GPC5: variants seen among roughly 807,000 people sequenced by gnomAD.
GPC5 encodes glypican 5, also known as glypican-5.
A neutral mutation model predicts 53.9 loss-of-function variants in GPC5; 47 were observed. The ratio of observed to expected loss-of-function variants is 0.87; its 90% CI spans 0.69 to 1.11. The LOEUF (loss-of-function observed/expected upper bound fraction) is 1.11, where lower values mean the gene tolerates loss of function less well. Among genes scored for constraint, GPC5 ranks in the 50% most tolerant of loss-of-function variants. GPC5 has a pLI of 0.00. For missense variants in GPC5, 748 were observed against 713.1 expected (o/e 1.05, Z -0.56); for synonymous variants, 286 against 263.3 (o/e 1.09, Z -0.84).
At chr13:91,907,857 C>A (rs2039571025) in intron 5 of GPC5, 80 bp from the exon 6 acceptor site, 1 of 1,455,856 alleles carries the variant, frequency 6.9e-7, no homozygotes, top group Non-Finnish European at 9.4e-7. Flanking sequence ...GAAATTCCGA[C>A]CTCAAATATG....
chr13:92,064,219 T>C (rs2041146679), intron 6 of GPC5, among the ~76,000 whole-genome samples: 1 of 152,220 alleles, frequency 6.6e-6, no homozygotes, highest in Non-Finnish European at 1.5e-5. Context: ...ACTTGTAATA[T>C]ATTAGGCTAT....
chr13:91,628,447 A>C (rs971401321), intron 2 of GPC5, among the ~76,000 whole-genome samples: 10 of 151,894 alleles, frequency 6.6e-5, no homozygotes, highest in Non-Finnish European at 1.3e-4. Context: ...TCATGTAGCT[A>C]TGTTTAACCG....
chr13:92,608,063 A>T (rs1884312520), intron 7 of GPC5, among the ~76,000 whole-genome samples: 1 of 152,242 alleles, frequency 6.6e-6, no homozygotes, highest in South Asian at 2.1e-4. Context: ...TTGTAAGAAC[A>T]CTGTAGATAC....
At chr13:91,516,730 T>C (rs956543458) in intron 2 of GPC5, among the ~76,000 whole-genome samples, 2 of 152,222 alleles carry the variant, frequency 1.3e-5, no homozygotes, top group East Asian at 3.9e-4. Context: ...CCCTTGCAGA[T>C]GTTCTTCATG....
chr13:92,111,436 G>C (rs2041555690), intron 6 of GPC5, among the ~76,000 whole-genome samples: 1 of 152,096 alleles, frequency 6.6e-6, no homozygotes. Context: ...ATGTGATCCA[G>C]GCACATTGCT....
At chr13:92,058,202 AT>A (rs1198776965) in intron 6 of GPC5, among the ~76,000 whole-genome samples, 1 of 152,050 alleles carries the variant, frequency 6.6e-6, no homozygotes, top group Non-Finnish European at 1.5e-5. Flanking sequence ...TTTAATTTTT[AT>A]TTTTTTGTAG....
chr13:91,487,640 T>A (rs1035229043), intron 2 of GPC5, among the ~76,000 whole-genome samples: 6 of 152,218 alleles, frequency 3.9e-5, no homozygotes, highest in African/African-American at 1.4e-4. Flanking sequence ...GCATCTTTAT[T>A]TAGCATTGAG....
chr13:92,827,886 A>G (rs1026178935), intron 7 of GPC5, among the ~76,000 whole-genome samples: 1 of 152,116 alleles, frequency 6.6e-6, no homozygotes, highest in African/African-American at 2.4e-5. Context: ...AGAGAGAAAA[A>G]GAGAAGAGTC....
intron 1 of GPC5, among the ~76,000 whole-genome samples, chr13:91,433,497 A>G (rs1879660487): frequency 6.6e-6 from 1 of 152,030 alleles, no homozygotes; most frequent in African/African-American, 2.4e-5. Flanking sequence ...GATGGTTTCC[A>G]GCTTCATCCA....
intron 2 of GPC5, among the ~76,000 whole-genome samples, chr13:91,455,020 A>G (rs1457148178): frequency 6.6e-6 from 1 of 152,068 alleles, no homozygotes; most frequent in Non-Finnish European, 1.5e-5. Context: ...TGTTTTTGAG[A>G]TTAATCTGTG....
At chr13:92,032,073 T>C (rs1445254173) in intron 6 of GPC5, among the ~76,000 whole-genome samples, 3 of 138,890 alleles carry the variant, frequency 2.2e-5, no homozygotes, top group African/African-American at 8.0e-5. Flanking sequence ...TATGTATATA[T>C]AATATATCTG....
rs114640820 is a variant in GPC5 at position 91,891,006 on chromosome 13, A to T, written c.1281-16931A>T. On this transcript the variant is annotated intron_variant, in intron 5 of 7. Coordinates refer to ENST00000377067, the MANE Select transcript of GPC5 (RefSeq NM_004466.6). Reference sequence around the variant, plus strand: ...TGTGTGGCCCATATACCAGGTATGAAATTTCCTTTTAAAAATTAATCTAAT... The same window carrying T: ...TGTGTGGCCCATATACCAGGTATGATATTTCCTTTTAAAAATTAATCTAAT... Among the ~76,000 whole-genome samples, 717 of 152,298 alleles carry T rather than the reference A, an allele frequency of 4.7e-3. 3 individuals are homozygous for T. The highest frequency in any genetic ancestry group is 0.017 in the African/African-American group (693 of 41,580).
At chr13:92,073,078 T>A (rs1176965964) in intron 6 of GPC5, among the ~76,000 whole-genome samples, 8 of 152,304 alleles carry the variant, frequency 5.3e-5, no homozygotes, top group Non-Finnish European at 1.2e-4. Flanking sequence ...CTTTTCCCTC[T>A]ACAAGCTAAC....
chr13:92,254,820 G>T (rs2042716080), intron 7 of GPC5, among the ~76,000 whole-genome samples: 1 of 152,046 alleles, frequency 6.6e-6, no homozygotes, highest in African/African-American at 2.4e-5. Context: ...CACAAGAACA[G>T]CATAGGGGAA....
At chr13:91,528,247 G>GTA (rs1886177653) in intron 2 of GPC5, among the ~76,000 whole-genome samples, 1 of 152,120 alleles carries the variant, frequency 6.6e-6, no homozygotes, top group South Asian at 2.1e-4. Flanking sequence ...GCATATGACT[G>GTA]TACGCTTTCA....
chr13:92,404,301 G>A (rs1440456023), intron 7 of GPC5, among the ~76,000 whole-genome samples: 1 of 152,158 alleles, frequency 6.6e-6, no homozygotes, highest in Non-Finnish European at 1.5e-5. Flanking sequence ...CTGAGAGCAT[G>A]GACATTGTTA....
intron 7 of GPC5, among the ~76,000 whole-genome samples, chr13:92,744,589 C>T (rs976484032): frequency 6.6e-6 from 1 of 150,720 alleles, no homozygotes; most frequent in African/African-American, 2.4e-5. Context: ...AAGAAACTGC[C>T]AAGGAGATAG....
chr13:92,116,275 A>AAC (rs1566441973), intron 6 of GPC5, among the ~76,000 whole-genome samples: 111 of 149,752 alleles, frequency 7.4e-4, no homozygotes, highest in East Asian at 2.2e-3. Flanking sequence ...ACAAACAAAA[A>AAC]AAAAAAAACA....
At chr13:92,742,872 G>C (rs566890321) in intron 7 of GPC5, among the ~76,000 whole-genome samples, 86 of 152,188 alleles carry the variant, frequency 5.7e-4, no homozygotes, top group East Asian at 4.1e-3. Context: ...TGTCAGGTTT[G>C]TCAAAGATCA....
Sources: allele counts gnomAD v4.1 joint callset (sites outside exome capture counted in the v4.1 genomes callset), GRCh38; gene constraint gnomAD v4.1.1; transcripts MANE v1.5; gene names NCBI Gene and HGNC (gene_info 2026-07-23, HGNC 2026-07-21).